Variants in CDK6 observed in about 807,000 individuals in gnomAD.
CDK6 encodes cyclin dependent kinase 6.
Under a neutral mutation model 37.1 loss-of-function variants are expected in CDK6, and 6 were observed. The observed-to-expected ratio is 0.16, with a 90% CI of 0.09 to 0.32. The LOEUF (loss-of-function observed/expected upper bound fraction) is 0.32, where lower values mean the gene tolerates loss of function less well. Among genes scored for constraint, CDK6 ranks in the 10% least tolerant of loss-of-function variants. CDK6 has a pLI of 1.00. For synonymous variants in CDK6, 160 were observed against 161.3 expected (o/e 0.99, Z 0.06); for missense variants, 224 against 418.9 (o/e 0.53, Z 4.06).
chr7:92,720,145 G>A (rs921043756), intron 4 of CDK6, among the ~76,000 whole-genome samples: 5 of 152,178 alleles, frequency 3.3e-5, no homozygotes, highest in African/African-American at 1.2e-4. Context: ...TCCTCACTGT[G>A]TCAAAATGTG....
intron 3 of CDK6, among the ~76,000 whole-genome samples, chr7:92,736,629 G>A (rs776302470): frequency 2.6e-4 from 40 of 152,160 alleles, no homozygotes; most frequent in Non-Finnish European, 5.0e-4. Flanking sequence ...CCAGCAGGCA[G>A]GGTCCTAAAG....
chr7:92,655,209 A>G (rs1257265116), intron 5 of CDK6, among the ~76,000 whole-genome samples: 1 of 152,010 alleles, frequency 6.6e-6, no homozygotes, highest in Non-Finnish European at 1.5e-5. Flanking sequence ...TTTGATAATT[A>G]TTTCACTGCC....
At position 92,625,815 on chromosome 7, in the gene CDK6, G is replaced by T. The variant is rs2116500627; in HGVS notation, c.648-2729C>A. On this transcript the variant is annotated intron_variant, in intron 5 of 7. Transcript: ENST00000424848. ...AGGAAATGATTCATGCATAACAGGGGATGAAAGTTTCATTTAGTTACAATA... is the reference window on the plus strand; with the variant it reads ...AGGAAATGATTCATGCATAACAGGGTATGAAAGTTTCATTTAGTTACAATA... 3.3e-5 allele frequency among the ~76,000 whole-genome samples: 5 copies of T among 152,156 alleles called. No individual in the cohort carries two copies. In the Middle Eastern group the frequency reaches 0.017, roughly 518 times the overall value.
intron 4 of CDK6, among the ~76,000 whole-genome samples, chr7:92,724,026 T>A (rs1206719147): frequency 6.6e-6 from 1 of 152,050 alleles, no homozygotes; most frequent in Non-Finnish European, 1.5e-5. Flanking sequence ...TTACAGCTTA[T>A]CCTTCCTTCA....
intron 5 of CDK6, among the ~76,000 whole-genome samples, chr7:92,656,902 G>A (rs2116571391): frequency 6.6e-6 from 1 of 152,128 alleles, no homozygotes; most frequent in East Asian, 1.9e-4. Context: ...TGAAGACCCG[G>A]GGACACAGAA....
chr7:92,647,264 A>C (rs961741604), intron 5 of CDK6, among the ~76,000 whole-genome samples: 2 of 152,246 alleles, frequency 1.3e-5, no homozygotes, highest in East Asian at 3.8e-4. Flanking sequence ...AAAACACTAA[A>C]ATAAATATAA....
chr7:92,836,170 GGTGT>G lies in CDK6; in HGVS notation c.-368+304_-368+307del, dbSNP rs1302411815. 3.5e-4 allele frequency among the ~76,000 whole-genome samples: 53 copies of G among 151,942 alleles called. No individual in the cohort carries two copies. The East Asian group carries it at 8.7e-3, about 25-fold the overall frequency. ...AACTGTATGAGGCGTGTTCCGTGTGGGTGTGTGTGCGTACGGATACGTGGAAGCA... is the reference window on the plus strand; with the variant it reads ...AACTGTATGAGGCGTGTTCCGTGTGGGTGTGCGTACGGATACGTGGAAGCA... On this transcript the variant is annotated intron_variant, in intron 1 of 7. Transcript: ENST00000424848.
At chr7:92,725,521 A>G (rs947651427) in intron 4 of CDK6, 105 bp downstream of exon 4, 11 of 1,240,266 alleles carry the variant, frequency 8.9e-6, no homozygotes, top group African/African-American at 1.5e-5. Context: ...TCTATCCACC[A>G]ACTAGTCATG....
Position 92,609,379 on chromosome 7 carries a change from A to C in CDK6, c.*5761T>G, listed in dbSNP as rs1366352989. 4.3e-6 allele frequency: 1 copy of C among 231,354 alleles called. No individual in the cohort carries two copies. Among genetic ancestry groups the C allele is most frequent in the Non-Finnish European group, 8.5e-6 (1 of 117,044 alleles). The allele number at this position is 231,354 out of a possible 1,614,324, so 14.3% of individuals were successfully genotyped here. ...TATATAAAGTTGCCAAAAAACTTCA[A>C]AAGTTAAGTATGTAGACACACTCCT... is the stretch of plus-strand genomic sequence containing the variant. On this transcript the variant is annotated 3_prime_UTR_variant, in exon 8 of 8. Transcript: ENST00000424848.
Position 92,609,714 on chromosome 7 carries a change from C to G in CDK6, c.*5426G>C. On this transcript the variant is annotated 3_prime_UTR_variant, in exon 8 of 8. Coordinates refer to ENST00000424848, the MANE Select transcript of CDK6 (RefSeq NM_001145306.2). ...CTGGGGCCACTAAAGGAGTTTTATA[C>G]TTCTAACGAAACTATCCTGTTCACA... The G allele has an allele frequency of 8.7e-6, 2 of 231,036 alleles. No individual in the cohort carries two copies. Among genetic ancestry groups the G allele is most frequent in the Non-Finnish European group, 8.6e-6 (1 of 116,722 alleles). The allele number at this position is 231,036 out of a possible 1,614,324, so 14.3% of individuals were successfully genotyped here.
Position 92,618,304 on chromosome 7 carries a change from A to C in CDK6, c.699-97T>G. The C allele has an allele frequency of 3.2e-6, 4 of 1,257,260 alleles. No homozygotes were observed. The South Asian group carries it at 5.4e-5, about 17-fold the overall frequency. The allele number at this position is 1,257,260 out of a possible 1,614,324, so 77.9% of individuals were successfully genotyped here. The stretch of plus-strand genomic sequence containing the variant: ...GAAAGGCAAAATCTAAGGGGGAGAC[A>C]TGGGGGGCAGAGTCCCAGGAGACCT... On this transcript the variant is annotated intron_variant, in intron 6 of 7. Transcript: ENST00000424848.
intron 4 of CDK6, among the ~76,000 whole-genome samples, chr7:92,724,857 G>A (rs1361901433): frequency 1.3e-5 from 2 of 151,866 alleles, no homozygotes; most frequent in East Asian, 3.8e-4. Context: ...ATGCAAAACA[G>A]GTCTTTCAAA....
chr7:92,740,812 C>A (rs1477128402), intron 3 of CDK6, among the ~76,000 whole-genome samples: 1 of 152,110 alleles, frequency 6.6e-6, no homozygotes, highest in Non-Finnish European at 1.5e-5. Flanking sequence ...CAGAAAGGTG[C>A]CTAACACACA....
intron 3 of CDK6, among the ~76,000 whole-genome samples, chr7:92,743,247 G>A (rs575453695): frequency 6.6e-6 from 1 of 151,878 alleles, no homozygotes; most frequent in South Asian, 2.1e-4. Flanking sequence ...GTGGTGGCAG[G>A]TGCCTGTAAT....
chr7:92,748,787 A>G (rs17164770), intron 3 of CDK6, among the ~76,000 whole-genome samples: 18,953 of 152,168 alleles, frequency 0.12, 1,370 homozygotes, highest in South Asian at 0.29. Flanking sequence ...CTGAGGCCCC[A>G]TGGAAGGCAA....
At chr7:92,818,744 A>G (rs1801091724) in intron 2 of CDK6, among the ~76,000 whole-genome samples, 1 of 152,048 alleles carries the variant, frequency 6.6e-6, no homozygotes, top group South Asian at 2.1e-4. Flanking sequence ...AGATAACTCA[A>G]TTTTAAAAAA....
At chr7:92,784,148 G>C (rs1800065507) in intron 2 of CDK6, among the ~76,000 whole-genome samples, 1 of 152,148 alleles carries the variant, frequency 6.6e-6, no homozygotes, top group Non-Finnish European at 1.5e-5. Context: ...GTCTTGCAGG[G>C]AAGAGAATGG....
At chr7:92,739,086 C>T (rs1002522348) in intron 3 of CDK6, among the ~76,000 whole-genome samples, 18 of 152,296 alleles carry the variant, frequency 1.2e-4, no homozygotes, top group Admixed American at 5.9e-4. Flanking sequence ...TTCGGTACTG[C>T]CTTCTCTGGG....
intron 4 of CDK6, among the ~76,000 whole-genome samples, chr7:92,724,848 T>C (rs891376995): frequency 6.6e-6 from 1 of 152,222 alleles, no homozygotes; most frequent in African/African-American, 2.4e-5. Context: ...ATTTACTGTA[T>C]GCAAAACAGG....
Sources: gnomAD v4.1 joint callset for allele counts (sites outside exome capture counted in the v4.1 genomes callset) on GRCh38, gnomAD v4.1.1 for gene constraint, MANE v1.5 for transcripts, NCBI Gene and HGNC (gene_info 2026-07-23, HGNC 2026-07-21) for gene names.